NUP155: variants seen among roughly 807,000 people sequenced by gnomAD.
NUP155 encodes nucleoporin 155, also known as nuclear pore complex protein Nup155.
A neutral mutation model predicts 180.4 loss-of-function variants in NUP155; 71 were observed. The observed-to-expected ratio is 0.39, with a 90% CI of 0.33 to 0.48. The LOEUF (loss-of-function observed/expected upper bound fraction) is 0.48. NUP155 is among the 20% of genes least tolerant of loss of function. NUP155 has a pLI of 0.91. For missense variants in NUP155, 1,553 were observed against 1,648.9 expected (o/e 0.94, Z 1.01); for synonymous variants, 582 against 559.5 (o/e 1.04, Z -0.57).
At chr5:37,324,191 G>A (rs1744432094) in intron 19 of NUP155, 84 bp from the exon 20 acceptor site, 2 of 813,304 alleles carry the variant, frequency 2.5e-6, no homozygotes, top group African/African-American at 1.7e-5. Context: ...TTTGAAATGA[G>A]TATCTCTATA....
At chr5:37,360,921 T>C (rs139005347) in intron 3 of NUP155, among the ~76,000 whole-genome samples, 1 of 152,052 alleles carries the variant, frequency 6.6e-6, no homozygotes, top group African/African-American at 2.4e-5. Flanking sequence ...ATGAGGTATA[T>C]AACAAAAGTA....
intron 21 of NUP155, among the ~76,000 whole-genome samples, chr5:37,315,585 A>G (rs1743832357): frequency 6.9e-6 from 1 of 144,016 alleles, no homozygotes; most frequent in African/African-American, 3.0e-5. Context: ...GGACAGAAAA[A>G]TGACAAATGT....
intron 10 of NUP155, among the ~76,000 whole-genome samples, chr5:37,341,986 G>A (rs1232667553): frequency 6.6e-6 from 1 of 152,176 alleles, no homozygotes; most frequent in African/African-American, 2.4e-5. Context: ...TCCAATTCAG[G>A]CTTTGTTACA....
At chr5:37,338,011 C>T (rs927957178) in intron 11 of NUP155, 93 bp from the exon 12 acceptor site, 44 of 817,726 alleles carry the variant, frequency 5.4e-5, no homozygotes, top group East Asian at 2.7e-4. Context: ...AAAGCAATTG[C>T]GGTTTTGCAA....
chr5:37,348,191 C>CT (rs1746226810), intron 9 of NUP155, among the ~76,000 whole-genome samples: 1 of 152,046 alleles, frequency 6.6e-6, no homozygotes, highest in Admixed American at 6.6e-5. Context: ...GTAATCTCAG[C>CT]TACTAGGGAG....
At chr5:37,297,582 G>T (rs759744816) in intron 32 of NUP155, among the ~76,000 whole-genome samples, 2 of 149,620 alleles carry the variant, frequency 1.3e-5, no homozygotes, top group Non-Finnish European at 3.0e-5. Flanking sequence ...GTTTTGCCAT[G>T]TTGCCCAGGC....
At chr5:37,323,757 G>A (rs1744403032) in intron 20 of NUP155, among the ~76,000 whole-genome samples, 1 of 151,640 alleles carries the variant, frequency 6.6e-6, no homozygotes, top group Admixed American at 6.6e-5. Flanking sequence ...GGTTGCCAGG[G>A]ACTGGGGGAA....
chr5:37,365,484 G>A lies in NUP155; in HGVS notation c.158-1100C>T, dbSNP rs113864690. Reference sequence around the variant, plus strand: ...GCACTTTGGGAGGCAGAGGCAAGCCGATCACAAGGTCAGGAGTTCAAGACC... The same window carrying A: ...GCACTTTGGGAGGCAGAGGCAAGCCAATCACAAGGTCAGGAGTTCAAGACC... On this transcript the variant is annotated intron_variant, in intron 1 of 34. Transcript: ENST00000231498. Among the ~76,000 whole-genome samples, 1,112 of 151,498 alleles carry A rather than the reference G, an allele frequency of 7.3e-3. 18 individuals carry two copies. Among genetic ancestry groups the A allele is most frequent in the African/African-American group, 0.025 (1,040 of 41,290 alleles).
rs5867345 is a variant in NUP155 at position 37,335,380 on chromosome 5, GAA to G, written c.1348-1749_1348-1748del. On this transcript the variant is annotated intron_variant, in intron 12 of 34. Coordinates refer to ENST00000231498, the MANE Select transcript of NUP155 (RefSeq NM_153485.3). ...GGCAACAGAGCAAAACCCTGTCTCAGAAAAAAAAAAAAAAAAAGTATTTTAAT... is the reference window on the plus strand; with the variant it reads ...GGCAACAGAGCAAAACCCTGTCTCAGAAAAAAAAAAAAAAAGTATTTTAAT... Among the ~76,000 whole-genome samples the G allele has an allele frequency of 2.5e-3, 292 of 116,598 alleles. 2 individuals carry two copies. The South Asian group carries it at 0.027, about 11-fold the overall frequency. 76.5% of individuals were successfully genotyped at this position (116,598 alleles called of 152,430 possible).
Position 37,371,039 on chromosome 5 carries a change from A to T in NUP155, c.-62T>A. The T allele has an allele frequency of 6.3e-7, 1 of 1,579,504 alleles. No homozygotes were observed. Among genetic ancestry groups the T allele is most frequent in the Non-Finnish European group, 8.7e-7 (1 of 1,154,558 alleles). ...AAAAACCAAGGAGAAACAAGAAAAG[A>T]TCCAAGAAGTTAGCTTAGATCCGCC... is the stretch of plus-strand genomic sequence containing the variant. On this transcript the variant is annotated 5_prime_UTR_variant, in exon 1 of 35. Transcript: ENST00000231498.
intron 1 of NUP155, 47 bp downstream of exon 1, chr5:37,370,774 C>T: frequency 6.2e-7 from 1 of 1,613,762 alleles, no homozygotes; most frequent in Non-Finnish European, 8.5e-7. Context: ...ATTAGGAAGT[C>T]AGGCGAGAGT....
chr5:37,333,503 T>C lies in NUP155; in HGVS notation c.1478A>G (p.His493Arg). The C allele has an allele frequency of 6.2e-7, 1 of 1,614,144 alleles. No individual in the cohort carries two copies. The highest frequency in any genetic ancestry group is 8.5e-7 in the Non-Finnish European group (1 of 1,179,974). ...ITDSPVVVQQ[H>R]MLPPKKFVLL... The stretch of plus-strand genomic sequence containing the variant: ...AACAAATTTCTTCGGAGGTAACATG[T>C]GCTGCTGTACAACAACTGGTGAATC... Residue 493 changes from histidine (H) to arginine (R), a missense_variant, in exon 13 of 35, where the codon CAC becomes CGC. His to Arg is a conservative substitution (Grantham distance 29). Coordinates refer to ENST00000231498, the MANE Select transcript of NUP155 (RefSeq NM_153485.3).
intron 3 of NUP155, among the ~76,000 whole-genome samples, chr5:37,358,762 T>C (rs1220962293): frequency 6.6e-6 from 1 of 152,162 alleles, no homozygotes; most frequent in East Asian, 1.9e-4. Context: ...CTCACACCTG[T>C]AAACCCAGCA....
At chr5:37,311,562 A>G (rs1230559913) in intron 22 of NUP155, among the ~76,000 whole-genome samples, 1 of 152,190 alleles carries the variant, frequency 6.6e-6, no homozygotes, top group African/African-American at 2.4e-5. Context: ...ACTAGTGGAA[A>G]GAATGAGGAG....
At chr5:37,309,332 C>A in intron 23 of NUP155, 65 bp from the exon 24 acceptor site, 3 of 1,339,966 alleles carry the variant, frequency 2.2e-6, no homozygotes, top group African/African-American at 2.9e-5. Flanking sequence ...ATGCTGTCAA[C>A]TAAGTTTTAG....
At chr5:37,334,108 T>G (rs991618608) in intron 12 of NUP155, among the ~76,000 whole-genome samples, 2 of 141,064 alleles carry the variant, frequency 1.4e-5, no homozygotes, top group Admixed American at 7.0e-5. Flanking sequence ...GCCTCTGGGG[T>G]TTTTTTTTTT....
intron 4 of NUP155, among the ~76,000 whole-genome samples, chr5:37,355,724 G>A (rs963404964): frequency 4.0e-5 from 6 of 151,338 alleles, no homozygotes; most frequent in African/African-American, 1.2e-4. Flanking sequence ...GACTACAGGC[G>A]ACCACCACCA....
chr5:37,350,487 T>A (rs1746382846), intron 6 of NUP155, among the ~76,000 whole-genome samples: 1 of 152,112 alleles, frequency 6.6e-6, no homozygotes, highest in Admixed American at 6.6e-5. Context: ...GGAAAGAATT[T>A]CAAGACATAC....
At chr5:37,314,907 G>C (rs557629508) in intron 21 of NUP155, among the ~76,000 whole-genome samples, 1 of 151,916 alleles carries the variant, frequency 6.6e-6, no homozygotes, top group Non-Finnish European at 1.5e-5. Context: ...AAGTAACTTG[G>C]GACAAAAGTA....
Sources: gnomAD v4.1 joint callset for allele counts (sites outside exome capture counted in the v4.1 genomes callset) on GRCh38, gnomAD v4.1.1 for gene constraint, MANE v1.5 for transcripts, NCBI Gene and HGNC (gene_info 2026-07-23, HGNC 2026-07-21) for gene names.